The following PRKN variants were observed in gnomAD, a reference collection of about 807,000 sequenced individuals.
The protein encoded by PRKN is parkin RBR E3 ubiquitin protein ligase.
Under a neutral mutation model 59.5 loss-of-function variants are expected in PRKN, and 56 were observed. That is an observed-to-expected ratio of 0.94 (90% CI 0.76 to 1.18). The LOEUF is 1.18. PRKN is among the 50% of genes most tolerant of loss of function. The pLI is 0.00. For missense variants in PRKN, 657 were observed against 596.4 expected (o/e 1.10, Z -1.06); for synonymous variants, 250 against 222.1 (o/e 1.13, Z -1.12).
rs190444387 is a variant in PRKN, at chr6:162,123,415, T to G, written c.535-69241A>C. Among the ~76,000 whole-genome samples, 274 of 152,328 alleles carry G rather than the reference T, an allele frequency of 1.8e-3. 1 individual carries two copies. Among genetic ancestry groups the G allele is most frequent in the African/African-American group, 6.4e-3 (264 of 41,574 alleles). ...GATGTTATAAACAAATATAAACTTA[T>G]CAGTTATATGAATACAGTGTAAATA... On this transcript the variant is annotated intron_variant, in intron 4 of 11. Coordinates refer to ENST00000366898, the MANE Select transcript of PRKN (RefSeq NM_004562.3).
intron 4 of PRKN, among the ~76,000 whole-genome samples, chr6:162,119,596 G>A (rs1159248699): frequency 6.6e-6 from 1 of 152,092 alleles, no homozygotes; most frequent in Non-Finnish European, 1.5e-5. Flanking sequence ...AAGTTCCCCA[G>A]CAGTGGCGCG....
At chr6:162,498,393 CTTTTT>C (rs60024002) in intron 1 of PRKN, among the ~76,000 whole-genome samples, 7 of 21,582 alleles carry the variant, frequency 3.2e-4, no homozygotes, top group African/African-American at 6.0e-4. Flanking sequence ...TCTTTCTTTC[CTTTTT>C]TTTTTTTTTT....
At chr6:162,416,339 G>A (rs1455718256) in intron 2 of PRKN, among the ~76,000 whole-genome samples, 1 of 152,162 alleles carries the variant, frequency 6.6e-6, no homozygotes, top group African/African-American at 2.4e-5. Flanking sequence ...AGCAGCTTTA[G>A]CTGTCAAGAA....
intron 1 of PRKN, among the ~76,000 whole-genome samples, chr6:162,708,793 G>C (rs1167705080): frequency 1.3e-5 from 2 of 152,118 alleles, no homozygotes; most frequent in African/African-American, 2.4e-5. Context: ...TCTTCCCTGG[G>C]CCTACATATC....
rs369382157 is a variant in PRKN, at chr6:161,460,866, C to T, written c.1084-73989G>A. Among the ~76,000 whole-genome samples the T allele has an allele frequency of 6.6e-6, 1 of 151,764 alleles. No homozygotes were observed. The highest frequency in any genetic ancestry group is 2.4e-5 in the African/African-American group (1 of 41,320). ...CCTGGTTCAAGCAATTCTCCTGCCT[C>T]GGCCTCCCAAGTAGCTGGGACTACA... On this transcript the variant is annotated intron_variant, in intron 9 of 11. Transcript: ENST00000366898. This position sits in a 1 kb window ranked among gnomAD's most constrained non-coding sequence, Gnocchi z 5.0.
chr6:162,044,059 C>T (rs904859903), intron 5 of PRKN, among the ~76,000 whole-genome samples: 4 of 152,172 alleles, frequency 2.6e-5, no homozygotes, highest in Non-Finnish European at 5.9e-5. Flanking sequence ...AATGCCAATT[C>T]TAATTTACCT....
At position 161,352,769 on chromosome 6, in the gene PRKN, A is replaced by ATATATATATTTT. The variant is rs1398780449; in HGVS notation, c.1286-2559_1286-2558insAAAATATATATA. ...TGTGTGTGTGTGTATATATATATAT[A>ATATATATATTTT]TATTTTATTTTATTTTATTTTATTT... On this transcript the variant is annotated intron_variant, in intron 11 of 11. Transcript: ENST00000366898. This position sits in a 1 kb window ranked among gnomAD's most constrained non-coding sequence, Gnocchi z 5.8. Among the ~76,000 whole-genome samples, 30 of 119,470 alleles carry ATATATATATTTT rather than the reference A, an allele frequency of 2.5e-4. No individual in the cohort carries two copies. Among genetic ancestry groups the ATATATATATTTT allele is most frequent in the South Asian group, 1.6e-3 (5 of 3,208 alleles). 78.4% of individuals were successfully genotyped at this position (119,470 alleles called of 152,430 possible).
At chr6:161,655,959 G>A (rs2207398) in intron 7 of PRKN, among the ~76,000 whole-genome samples, 49,958 of 151,672 alleles carry the variant, frequency 0.33, 8,542 homozygotes, top group Non-Finnish European at 0.37. Flanking sequence ...TTTGATTCAC[G>A]TGTATGGTAT....
At chr6:162,713,042 G>C (rs574118724) in intron 1 of PRKN, among the ~76,000 whole-genome samples, 2 of 152,230 alleles carry the variant, frequency 1.3e-5, no homozygotes, top group Admixed American at 1.3e-4. Flanking sequence ...TGAACGGAAG[G>C]GTGATTTGAG....
Position 161,395,268 on chromosome 6 carries a change from A to T in PRKN, c.1084-8391T>A, listed in dbSNP as rs1290181810. 1.3e-5 allele frequency among the ~76,000 whole-genome samples: 2 copies of T among 152,168 alleles called. No individual in the cohort carries two copies. Among genetic ancestry groups the T allele is most frequent in the Admixed American group, 6.5e-5 (1 of 15,286 alleles). ...TGCTTGTTGGTTTTTCGTTTAATGC[A>T]TGCTACAGATGGCTGTCTATTAGCA... On this transcript the variant is annotated intron_variant, in intron 9 of 11. Coordinates refer to ENST00000366898, the MANE Select transcript of PRKN (RefSeq NM_004562.3). This position sits in a 1 kb window ranked among gnomAD's most constrained non-coding sequence, Gnocchi z 5.0.
chr6:162,346,740 G>A (rs1784420615), intron 2 of PRKN, among the ~76,000 whole-genome samples: 1 of 152,070 alleles, frequency 6.6e-6, no homozygotes, highest in Non-Finnish European at 1.5e-5. Context: ...CTGAGATCAT[G>A]TAATTGTTTT....
intron 7 of PRKN, among the ~76,000 whole-genome samples, chr6:161,778,471 C>T (rs1486360338): frequency 1.3e-5 from 2 of 152,168 alleles, no homozygotes; most frequent in Non-Finnish European, 2.9e-5. Context: ...ATAAATAAAT[C>T]TTGCTTTAAT....
At chr6:162,033,877 T>C (rs1783735932) in intron 5 of PRKN, among the ~76,000 whole-genome samples, 1 of 152,118 alleles carries the variant, frequency 6.6e-6, no homozygotes, top group African/African-American at 2.4e-5. Context: ...TGAAAACAAA[T>C]ATTTGTAGAA....
At chr6:162,406,858 C>T (rs1788100266) in intron 2 of PRKN, among the ~76,000 whole-genome samples, 1 of 152,140 alleles carries the variant, frequency 6.6e-6, no homozygotes, top group Non-Finnish European at 1.5e-5. Flanking sequence ...TCCTGCCTCC[C>T]TCCCCACCCC....
At chr6:162,012,174 T>C (rs1639446057) in intron 5 of PRKN, among the ~76,000 whole-genome samples, 1 of 152,116 alleles carries the variant, frequency 6.6e-6, no homozygotes. Flanking sequence ...AAGCCCATAT[T>C]TGATTTCTTT....
At chr6:162,048,095 G>A (rs961404203) in intron 5 of PRKN, among the ~76,000 whole-genome samples, 1 of 151,810 alleles carries the variant, frequency 6.6e-6, no homozygotes, top group African/African-American at 2.4e-5. Flanking sequence ...AATGTTTGAT[G>A]TATAAGAGTT....
chr6:162,651,082 T>C (rs1383721966), intron 1 of PRKN, among the ~76,000 whole-genome samples: 1 of 152,202 alleles, frequency 6.6e-6, no homozygotes, highest in Non-Finnish European at 1.5e-5. Context: ...TTTATTATCC[T>C]GTGAGGGTTA....
chr6:162,153,349 A>G (rs1782356401), intron 4 of PRKN, among the ~76,000 whole-genome samples: 1 of 152,116 alleles, frequency 6.6e-6, no homozygotes, highest in Non-Finnish European at 1.5e-5. Flanking sequence ...TAGCCCCAGC[A>G]GGAGCAAATC....
At chr6:161,559,677 C>T (rs1780379533) in intron 8 of PRKN, among the ~76,000 whole-genome samples, 2 of 152,086 alleles carry the variant, frequency 1.3e-5, no homozygotes, top group South Asian at 4.1e-4. Flanking sequence ...TTGTCCAGTC[C>T]TGAAGCAACT....
Sources: gnomAD v4.1 joint callset for allele counts (sites outside exome capture counted in the v4.1 genomes callset) on GRCh38, gnomAD v4.1.1 for gene constraint, Gnocchi (gnomAD v3.1) non-coding constraint, MANE v1.5 for transcripts, NCBI Gene and HGNC (gene_info 2026-07-23, HGNC 2026-07-21) for gene names.